The following UNC13C variants were observed in gnomAD, a reference collection of about 807,000 sequenced individuals.
UNC13C encodes the protein unc-13 homolog C, also known as protein unc-13 homolog C.
Under a neutral mutation model 245.4 loss-of-function variants are expected in UNC13C, and 174 were observed. The observed-to-expected ratio is 0.71, with a 90% CI of 0.63 to 0.80. UNC13C has a LOEUF of 0.80. Ranked by LOEUF, UNC13C falls within the 30% of genes least tolerant of loss-of-function variation. The probability of loss-of-function intolerance (pLI) is 0.00; values close to 1 mark genes in which losing one functional copy is unlikely to be tolerated. For synonymous variants in UNC13C, 992 were observed against 895.1 expected, an observed-to-expected ratio of 1.11 and a Z score of -1.93; for missense variants, 2,829 against 2,602.9, an observed-to-expected ratio of 1.09 and a Z score of -1.89.
At chr15:54,104,586 T>G (rs928088800) in intron 2 of UNC13C, among the ~76,000 whole-genome samples, 2 of 152,142 alleles carry the variant, frequency 1.3e-5, no homozygotes, top group Non-Finnish European at 2.9e-5. Context: ...GCTATCAGAT[T>G]TCTAACAGTC....
intron 4 of UNC13C, among the ~76,000 whole-genome samples, chr15:54,150,336 C>T (rs140808024): frequency 1.6e-4 from 25 of 152,352 alleles, no homozygotes; most frequent in Non-Finnish European, 2.9e-4. Flanking sequence ...AAGGCAGTTA[C>T]AGCTGCTCGA....
Position 54,464,620 on chromosome 15 carries a change from A to G in UNC13C, c.4934-29988A>G, listed in dbSNP as rs551951577. On this transcript the variant is annotated intron_variant, in intron 19 of 32. Coordinates refer to ENST00000260323, the MANE Select transcript of UNC13C (RefSeq NM_001080534.3). ...AAGGAAAAGGACTCATCTTAAGTTT[A>G]AAAACTTTTAAATCAAATTTTTATT... Among the ~76,000 whole-genome samples the G allele has an allele frequency of 2.0e-5, 3 of 152,216 alleles. No homozygotes were observed. In the South Asian group the frequency reaches 6.2e-4, roughly 32 times the overall value.
intron 8 of UNC13C, among the ~76,000 whole-genome samples, chr15:54,261,688 C>T (rs1398191972): frequency 6.6e-6 from 1 of 152,106 alleles, no homozygotes; most frequent in South Asian, 2.1e-4. Context: ...GGACTACAGG[C>T]GCCCACCACT....
chr15:54,109,128 G>A (rs1458258123), intron 2 of UNC13C, among the ~76,000 whole-genome samples: 1 of 152,050 alleles, frequency 6.6e-6, no homozygotes, highest in Non-Finnish European at 1.5e-5. Flanking sequence ...GATCACAAAT[G>A]TTTTTCATCT....
chr15:53,985,325 A>C lies in UNC13C; in HGVS notation c.-257+6398A>C, dbSNP rs1420331862. Among the ~76,000 whole-genome samples the C allele has an allele frequency of 7.3e-5, 10 of 136,554 alleles. No homozygotes were observed. In the South Asian group the frequency reaches 1.6e-3, roughly 22 times the overall value. 89.6% of individuals were successfully genotyped at this position (136,554 alleles called of 152,430 possible). ...GTATTCCATGGTGTATATGTGCCAC[A>C]TTTTCTTTTTTTTTTTCTTGGTTCT... On this transcript the variant is annotated intron_variant, in intron 1 of 32. Transcript: ENST00000260323.
At chr15:54,058,661 T>A (rs1198829740) in intron 2 of UNC13C, among the ~76,000 whole-genome samples, 4 of 151,960 alleles carry the variant, frequency 2.6e-5, no homozygotes, top group South Asian at 2.1e-4. Context: ...ACAACCAAAA[T>A]AGAGAATTTT....
intron 17 of UNC13C, among the ~76,000 whole-genome samples, chr15:54,358,932 T>A (rs1013100380): frequency 6.6e-6 from 1 of 152,042 alleles, no homozygotes; most frequent in Non-Finnish European, 1.5e-5. Context: ...CCTAATTGAG[T>A]ATGATGTTAG....
At chr15:54,101,112 A>G (rs780155464) in intron 2 of UNC13C, among the ~76,000 whole-genome samples, 3 of 152,024 alleles carry the variant, frequency 2.0e-5, no homozygotes, top group African/African-American at 4.8e-5. Context: ...ATCTTATTAC[A>G]TATTTCCTTC....
chr15:54,468,410 T>C (rs917781882), intron 19 of UNC13C, among the ~76,000 whole-genome samples: 3 of 151,810 alleles, frequency 2.0e-5, no homozygotes, highest in African/African-American at 7.2e-5. Flanking sequence ...ATGGGTTGTC[T>C]CTTCACTTTT....
intron 30 of UNC13C, among the ~76,000 whole-genome samples, chr15:54,606,263 T>C (rs1899760849): frequency 6.6e-6 from 1 of 152,232 alleles, no homozygotes; most frequent in African/African-American, 2.4e-5. Context: ...AGACTTGGAA[T>C]CTTATTGAAA....
intron 25 of UNC13C, 78 bp from the exon 26 acceptor site, chr15:54,532,839 A>G: frequency 3.0e-6 from 3 of 1,004,922 alleles, no homozygotes; most frequent in Non-Finnish European, 1.5e-6. Flanking sequence ...AAACAGATCA[A>G]AATCCTCAGG....
At chr15:54,280,149 G>C (rs80006737) in intron 10 of UNC13C, among the ~76,000 whole-genome samples, 7,420 of 152,070 alleles carry the variant, frequency 0.049, 407 homozygotes, top group East Asian at 0.22. Context: ...ACATATACAA[G>C]GGGTTCTGTG....
chr15:54,583,848 A>G (rs560135645), intron 30 of UNC13C, among the ~76,000 whole-genome samples: 2 of 152,280 alleles, frequency 1.3e-5, no homozygotes, highest in South Asian at 4.1e-4. Flanking sequence ...GATCAAACCT[A>G]ACGGCCAACA....
At chr15:54,253,943 T>G (rs1162981574) in intron 8 of UNC13C, among the ~76,000 whole-genome samples, 1 of 152,220 alleles carries the variant, frequency 6.6e-6, no homozygotes, top group East Asian at 1.9e-4. Context: ...CTGCCTACTT[T>G]TAATTCCTAA....
At chr15:54,219,760 AC>A (rs2035163712) in intron 4 of UNC13C, among the ~76,000 whole-genome samples, 1 of 151,772 alleles carries the variant, frequency 6.6e-6, no homozygotes, top group Non-Finnish European at 1.5e-5. Flanking sequence ...CAAGAAAAAA[AC>A]AACCCCATCA....
chr15:54,102,584 A>G (rs545980021), intron 2 of UNC13C, among the ~76,000 whole-genome samples: 2 of 152,372 alleles, frequency 1.3e-5, no homozygotes, highest in African/African-American at 4.8e-5. Flanking sequence ...CAAGAAAAAC[A>G]ACAACTAAAT....
intron 13 of UNC13C, chr15:54,321,154 A>C (rs2038146685): frequency 1.9e-6 from 1 of 518,260 alleles, no homozygotes; most frequent in African/African-American, 1.9e-5. Context: ...GGCTTTTCTT[A>C]CTTCACAGTT....
chr15:54,546,320 C>T lies in UNC13C; in HGVS notation c.5697-402C>T, dbSNP rs980847835. 4.6e-5 allele frequency among the ~76,000 whole-genome samples: 7 copies of T among 152,138 alleles called. No individual in the cohort carries two copies. The East Asian group carries it at 7.8e-4, about 17-fold the overall frequency. On this transcript the variant is annotated intron_variant, in intron 26 of 32. Coordinates refer to ENST00000260323, the MANE Select transcript of UNC13C (RefSeq NM_001080534.3). ...AACATCACACACCAGGGCCTGTCGC[C>T]GGGTGGAGGGCTGGGTGAGGGATAG...
chr15:54,000,522 A>T (rs1894838085), intron 1 of UNC13C, among the ~76,000 whole-genome samples: 1 of 152,176 alleles, frequency 6.6e-6, no homozygotes. Flanking sequence ...CCAATTTTAG[A>T]TGATCTATCA....
Sources: gnomAD v4.1 joint callset for allele counts (sites outside exome capture counted in the v4.1 genomes callset) on GRCh38, gnomAD v4.1.1 for gene constraint, MANE v1.5 for transcripts, NCBI Gene and HGNC (gene_info 2026-07-23, HGNC 2026-07-21) for gene names.